Variants in FBF1 observed in about 807,000 individuals in gnomAD.
The protein encoded by FBF1 is fas-binding factor 1.
In FBF1, 119 loss-of-function variants were observed where a neutral mutation model predicts 147.2. The ratio of observed to expected loss-of-function variants is 0.81; its 90% CI spans 0.70 to 0.94. FBF1 has a LOEUF of 0.94. FBF1 is among the 40% of genes least tolerant of loss of function. The probability of loss-of-function intolerance (pLI) is 0.00; values close to 1 mark genes in which losing one functional copy is unlikely to be tolerated. For synonymous variants in FBF1, 601 were observed against 609.0 expected (o/e 0.99, Z 0.19); for missense variants, 1,449 against 1,500.8 (o/e 0.97, Z 0.57).
chr17:75,915,062 C>G lies in FBF1; in HGVS notation c.2583G>C (p.Thr861=), dbSNP rs538027415. 1.9e-6 allele frequency: 3 copies of G among 1,613,548 alleles called. No individual in the cohort carries two copies. The highest frequency in any genetic ancestry group is 4.5e-5 in the East Asian group (2 of 44,880). ...CCCTTTCCATGGCCATCTGCTGGGC[C>G]GTGACCTTCCTTTGCTCCTCTAGGG... The part of the protein sequence containing the change: ...QRALEEQRKV[T]AQQMAMERAE... Residue 861 remains threonine (T), a synonymous_variant, in exon 24 of 30, where the codon ACG becomes ACC. Coordinates refer to ENST00000636174, the MANE Select transcript of FBF1 (RefSeq NM_001319193.2).
At chr17:75,930,551 G>A (rs2065588163) in intron 6 of FBF1, among the ~76,000 whole-genome samples, 1 of 152,194 alleles carries the variant, frequency 6.6e-6, no homozygotes, top group Admixed American at 6.5e-5. Flanking sequence ...CTTGAGGTCA[G>A]GAGTTTGAGG....
chr17:75,919,739 C>A lies in FBF1; in HGVS notation c.2067G>T (p.Gln689His). ...AEQARAELTA[Q>H]HQRRLAAIAQ... ...CTATGGCCGCCAAGCGCCGCTGGTG[C>A]TGGGCCGTAAGCTCAGCACGGGCCT... is the stretch of plus-strand genomic sequence containing the variant. The change falls in exon 20 of 30, where the codon CAG becomes CAT. Residue 689 changes from glutamine (Q) to histidine (H), a missense_variant. By Grantham distance (24) the Gln-to-His change is conservative. Coordinates refer to ENST00000636174, the MANE Select transcript of FBF1 (RefSeq NM_001319193.2). This position sits in a 1 kb window ranked among gnomAD's most constrained non-coding sequence, Gnocchi z 5.0. 1.2e-6 allele frequency: 2 copies of A among 1,613,316 alleles called. No individual in the cohort carries two copies. The highest frequency in any genetic ancestry group is 1.7e-6 in the Non-Finnish European group (2 of 1,179,876).
intron 5 of FBF1, among the ~76,000 whole-genome samples, chr17:75,931,533 C>T (rs190591102): frequency 1.3e-5 from 2 of 152,312 alleles, no homozygotes; most frequent in East Asian, 3.9e-4. Flanking sequence ...CCTGTAATCC[C>T]AGCACTTTGG....
At position 75,914,127 on chromosome 17, in the gene FBF1, T is replaced by C. The variant is rs1473139520; in HGVS notation, c.2986A>G (p.Ser996Gly). The C allele has an allele frequency of 6.2e-7, 1 of 1,601,098 alleles. No homozygotes were observed. The highest frequency in any genetic ancestry group is 2.2e-5 in the East Asian group (1 of 44,610). ...KLRAEEVESM[S>G]KVASEKYEEG... Reference sequence around the variant, plus strand: ...CCCATGTGCCCGAGCAGCACCTTGCTCATGCTCTCCACCTCCTCGGCGCGG... The same window carrying C: ...CCCATGTGCCCGAGCAGCACCTTGCCCATGCTCTCCACCTCCTCGGCGCGG... Residue 996 changes from serine to glycine, a missense_variant, in exon 26 of 30, where the codon AGC becomes GGC. Physicochemically the swap from Ser to Gly is moderately conservative, Grantham distance 56. Transcript: ENST00000636174.
chr17:75,924,434 T>C (rs1189977985), intron 13 of FBF1, among the ~76,000 whole-genome samples: 1 of 152,150 alleles, frequency 6.6e-6, no homozygotes, highest in Non-Finnish European at 1.5e-5. Context: ...CTGCTGAACC[T>C]GGGAAAGGAT....
intron 28 of FBF1, among the ~76,000 whole-genome samples, chr17:75,913,144 C>CTTTTTT (rs869041751): frequency 8.1e-6 from 1 of 124,066 alleles, no homozygotes; most frequent in Non-Finnish European, 1.7e-5. Context: ...TTGAGGGTGA[C>CTTTTTT]TTTTTTTTTT....
chr17:75,926,561 AC>A, intron 10 of FBF1, 135 bp from the exon 11 acceptor site: 1 of 1,377,962 alleles, frequency 7.3e-7, no homozygotes, highest in Non-Finnish European at 9.6e-7. Context: ...TGTCCACGGG[AC>A]CCAATTCCTC....
Position 75,910,594 on chromosome 17 carries a change from C to T in FBF1, c.*129G>A, listed in dbSNP as rs202000682. 309 of 783,468 alleles carry T rather than the reference C, an allele frequency of 3.9e-4. 2 individuals carry two copies. The East Asian group carries it at 5.5e-3, about 14-fold the overall frequency. 48.5% of individuals were successfully genotyped at this position (783,468 alleles called of 1,614,324 possible). On this transcript the variant is annotated 3_prime_UTR_variant, in exon 30 of 30. Transcript: ENST00000636174. The surrounding 1 kb of genome is among the most constrained non-coding windows in gnomAD (Gnocchi z 4.1). ...AAAGGATGCACTTGCACCCTGTCCA[C>T]GGAAGAGCTGTCATCAGGCCTCAAG...
Position 75,910,196 on chromosome 17 carries a change from C to T in FBF1, c.*527G>A. Reference sequence around the variant, plus strand: ...CTGGCTGAGTTCCAGGAACATCTCACACCACAAGGGAGGATCTAGCTGGTG... The same window carrying T: ...CTGGCTGAGTTCCAGGAACATCTCATACCACAAGGGAGGATCTAGCTGGTG... On this transcript the variant is annotated 3_prime_UTR_variant, in exon 30 of 30. Transcript: ENST00000636174. The surrounding 1 kb of genome is among the most constrained non-coding windows in gnomAD (Gnocchi z 4.1). 5.2e-6 allele frequency: 2 copies of T among 387,974 alleles called. No individual in the cohort carries two copies. Among genetic ancestry groups the T allele is most frequent in the Non-Finnish European group, 1.0e-5 (2 of 199,570 alleles). The allele number at this position is 387,974 out of a possible 1,614,324, so 24.0% of individuals were successfully genotyped here.
intron 9 of FBF1, 117 bp from the exon 10 acceptor site, chr17:75,926,994 G>C (rs893927033): frequency 5.7e-6 from 8 of 1,395,500 alleles, no homozygotes; most frequent in Non-Finnish European, 7.7e-6. Context: ...ACATAAACAA[G>C]CCCCCTGGCA....
intron 2 of FBF1, 160 bp downstream of exon 2, chr17:75,937,985 GAA>G (rs2144201598): frequency 9.1e-7 from 1 of 1,095,550 alleles, no homozygotes; most frequent in East Asian, 2.6e-5. Flanking sequence ...CTTGGTCGTC[GAA>G]AGTTTGGTAT....
Position 75,926,770 on chromosome 17 carries a change from C to A in FBF1, c.583G>T (p.Val195Leu). ...KTASDKSPST[V>L]RDQGPSIPLT... ...CACTCCACCCTACCTTGATCTCTCA[C>A]TGTGCTGGGGCTCTTGTCAGAAGCT... The change falls in exon 10 of 30, where the codon GTG becomes TTG. Residue 195 changes from valine to leucine, a missense_variant. By Grantham distance (32) the Val-to-Leu change is conservative. Transcript: ENST00000636174. The A allele has an allele frequency of 6.2e-7, 1 of 1,613,576 alleles. No homozygotes were observed. The highest frequency in any genetic ancestry group is 8.5e-7 in the Non-Finnish European group (1 of 1,179,746).
intron 3 of FBF1, among the ~76,000 whole-genome samples, chr17:75,936,744 C>G (rs559148421): frequency 6.6e-6 from 1 of 152,224 alleles, no homozygotes; most frequent in African/African-American, 2.4e-5. Flanking sequence ...AACCTATATT[C>G]TACCTGCCTA....
chr17:75,920,836 G>C (rs911453432), intron 17 of FBF1, among the ~76,000 whole-genome samples: 6 of 151,826 alleles, frequency 4.0e-5, no homozygotes, highest in Non-Finnish European at 5.9e-5. Context: ...CTCCTGGGGG[G>C]GGGGGGGGCA....
Position 75,909,623 on chromosome 17 carries a change from G to T in FBF1, c.*1100C>A, listed in dbSNP as rs1414180044. ...TCTCCCCGGGCCTCAGTTTCTGCAT[G>T]TTTGAAGCAGGGCTAATAGTACCCT... On this transcript the variant is annotated 3_prime_UTR_variant, in exon 30 of 30. Transcript: ENST00000636174. 1 of 516,768 alleles carries T rather than the reference G, an allele frequency of 1.9e-6. No homozygotes were observed. Among genetic ancestry groups the T allele is most frequent in the African/African-American group, 1.9e-5 (1 of 52,712 alleles). The allele number at this position is 516,768 out of a possible 1,614,324, so 32.0% of individuals were successfully genotyped here. A position where few individuals can be genotyped will look rare whatever the true frequency, so the allele number is the denominator to read the frequency against.
rs1403858718 is a variant in FBF1, at chr17:75,910,010, C to T, written c.*713G>A. 1.5e-6 allele frequency: 1 copy of T among 679,098 alleles called. No homozygotes were observed. Among genetic ancestry groups the T allele is most frequent in the Non-Finnish European group, 2.7e-6 (1 of 370,214 alleles). The allele number at this position is 679,098 out of a possible 1,614,324, so 42.1% of individuals were successfully genotyped here. A position where few individuals can be genotyped will look rare whatever the true frequency, so the allele number is the denominator to read the frequency against. On this transcript the variant is annotated 3_prime_UTR_variant, in exon 30 of 30. Transcript: ENST00000636174. This position sits in a 1 kb window ranked among gnomAD's most constrained non-coding sequence, Gnocchi z 4.1. ...GCAGCACAGAGGCTTCCCTCCTCGTCCCTCCCCACACCCCACCATCGCCAC... is the reference window on the plus strand; with the variant it reads ...GCAGCACAGAGGCTTCCCTCCTCGTTCCTCCCCACACCCCACCATCGCCAC...
In FBF1 at chr17:75,928,152, T is replaced by C; in HGVS notation, c.321A>G (p.Lys107=). 1 of 1,613,822 alleles carries C rather than the reference T, an allele frequency of 6.2e-7. No homozygotes were observed. The highest frequency in any genetic ancestry group is 8.5e-7 in the Non-Finnish European group (1 of 1,179,858). Residue 107 remains lysine (K), a synonymous_variant, in exon 8 of 30, where the codon AAA becomes AAG. Transcript: ENST00000636174. This position sits in a 1 kb window ranked among gnomAD's most constrained non-coding sequence, Gnocchi z 4.2. ...GMDADILGLK[K]SNSAPSKKAA... Reference sequence around the variant, plus strand: ...CTTTTTTGCTAGGGGCTGAATTAGATTTCTTCAGACCTAAGATATCAGCAT... The same window carrying C: ...CTTTTTTGCTAGGGGCTGAATTAGACTTCTTCAGACCTAAGATATCAGCAT...
Position 75,922,198 on chromosome 17 carries a change from C to CT in FBF1, c.1425-153dup. On this transcript the variant is annotated intron_variant, in intron 14 of 29. Transcript: ENST00000636174. The surrounding 1 kb of genome is among the most constrained non-coding windows in gnomAD (Gnocchi z 5.0). ...GTCTTGGGGCATTCTCCTCCCACGT[C>CT]TGAGCTCCTGGGATTTCTGGGCATC... The CT allele has an allele frequency of 1.6e-6, 1 of 613,270 alleles. No individual in the cohort carries two copies. The highest frequency in any genetic ancestry group is 2.9e-6 in the Non-Finnish European group (1 of 350,784). The allele number at this position is 613,270 out of a possible 1,614,324, so 38.0% of individuals were successfully genotyped here.
At position 75,909,749 on chromosome 17, in the gene FBF1, G is replaced by C; in HGVS notation, c.*974C>G. ...GCGCCTGGTCCTGACCAATCTTATA[G>C]GCTGATCTTTTAATAAGAACATCTG... On this transcript the variant is annotated 3_prime_UTR_variant, in exon 30 of 30. Coordinates refer to ENST00000636174, the MANE Select transcript of FBF1 (RefSeq NM_001319193.2). 1 of 618,284 alleles carries C rather than the reference G, an allele frequency of 1.6e-6. No individual in the cohort carries two copies. Among genetic ancestry groups the C allele is most frequent in the Non-Finnish European group, 2.9e-6 (1 of 342,034 alleles). 38.3% of individuals were successfully genotyped at this position (618,284 alleles called of 1,614,324 possible).
Sources: gnomAD v4.1 joint callset for allele counts (sites outside exome capture counted in the v4.1 genomes callset) on GRCh38, gnomAD v4.1.1 for gene constraint, Gnocchi (gnomAD v3.1) non-coding constraint, MANE v1.5 for transcripts, NCBI Gene and HGNC (gene_info 2026-07-23, HGNC 2026-07-21) for gene names.